NT5DC3: variants seen among roughly 807,000 people sequenced by gnomAD.
NT5DC3 encodes 5'-nucleotidase domain-containing protein 3.
In NT5DC3, 42 loss-of-function variants were observed where a neutral mutation model predicts 67.8. That is an observed-to-expected ratio of 0.62 (90% CI 0.48 to 0.80). The LOEUF (loss-of-function observed/expected upper bound fraction) is 0.80. Ranked by LOEUF, NT5DC3 falls within the 30% of genes least tolerant of loss-of-function variation. NT5DC3 has a pLI of 0.00. For synonymous variants in NT5DC3, 237 were observed against 255.6 expected, an observed-to-expected ratio of 0.93 and a Z score of 0.69; for missense variants, 570 against 696.4, an observed-to-expected ratio of 0.82 and a Z score of 2.04.
In NT5DC3 at chr12:103,785,405, A is replaced by T; in HGVS notation, c.1259T>A (p.Met420Lys). 1 of 1,614,122 alleles carries T rather than the reference A, an allele frequency of 6.2e-7. No homozygotes were observed. Among genetic ancestry groups the T allele is most frequent in the Non-Finnish European group, 8.5e-7 (1 of 1,179,966 alleles). Reference protein sequence around the residue: ...IPELRSELKIMNTEQYIQTMT... With the variant: ...IPELRSELKIKNTEQYIQTMT... ...GGTTTGAATGTATTGCTCCGTGTTCATGATTTTGAGCTCAGATCTCAACTC... is the reference window on the plus strand; with the variant it reads ...GGTTTGAATGTATTGCTCCGTGTTCTTGATTTTGAGCTCAGATCTCAACTC... Residue 420 changes from methionine to lysine, a missense_variant, in exon 12 of 14, where the codon ATG becomes AAG. Met to Lys is a moderately conservative substitution (Grantham distance 95). Transcript: ENST00000392876.
intron 4 of NT5DC3, among the ~76,000 whole-genome samples, chr12:103,804,170 C>T (rs577889763): frequency 6.6e-6 from 1 of 152,244 alleles, no homozygotes; most frequent in Non-Finnish European, 1.5e-5. Flanking sequence ...CCATCATCAC[C>T]ACCACCTCCT....
At chr12:103,766,263 C>T (rs541326731), downstream of NT5DC3, 6 of 1,614,004 alleles carry the variant, frequency 3.7e-6, no homozygotes, top group Middle Eastern at 1.6e-4. Context: ...TGCCCTGCCC[C>T]CTTACAACCC....
At chr12:103,747,995 CAAAAAAAAA>C in the NT5DC3 span, among the ~76,000 whole-genome samples, 22 of 96,740 alleles carry the variant, frequency 2.3e-4, no homozygotes, top group Admixed American at 4.5e-4. Flanking sequence ...ACTCTGTCTC[CAAAAAAAAA>C]AAAAAAAAAA....
chr12:103,757,045 A>G, the NT5DC3 span, among the ~76,000 whole-genome samples: 1 of 145,752 alleles, frequency 6.9e-6, no homozygotes, highest in East Asian at 2.0e-4. Flanking sequence ...TATATATATT[A>G]AAGTATGTAA....
intron 1 of NT5DC3, among the ~76,000 whole-genome samples, chr12:103,825,336 T>C (rs1887646899): frequency 6.6e-6 from 1 of 152,202 alleles, no homozygotes; most frequent in South Asian, 2.1e-4. Flanking sequence ...ATCACACTTC[T>C]TGAAGTTACA....
the NT5DC3 span, chr12:103,755,394 G>A: frequency 6.2e-7 from 1 of 1,614,136 alleles, no homozygotes; most frequent in East Asian, 2.2e-5. Context: ...GCTCTGGTGT[G>A]GTTGGGATAG....
intron 2 of NT5DC3, among the ~76,000 whole-genome samples, chr12:103,810,467 A>C (rs564330694): frequency 5.3e-5 from 8 of 152,330 alleles, no homozygotes; most frequent in African/African-American, 1.9e-4. Flanking sequence ...TCACCACCCA[A>C]GGGGGAAAAA....
intron 1 of NT5DC3, among the ~76,000 whole-genome samples, chr12:103,816,932 T>G (rs1887278583): frequency 6.6e-6 from 1 of 150,548 alleles, no homozygotes; most frequent in South Asian, 2.1e-4. Context: ...ATAAAAGAAG[T>G]CTGAAGATAA....
intron 1 of NT5DC3, among the ~76,000 whole-genome samples, chr12:103,831,776 T>C (rs990706767): frequency 1.0e-5 from 1 of 100,154 alleles, no homozygotes; most frequent in African/African-American, 4.1e-5. Context: ...TCCTCTTTTT[T>C]TTTTTTTTTT....
rs1393384630 is a variant in NT5DC3 at position 103,796,986 on chromosome 12, G to A, written c.661C>T (p.Leu221=). ...CAGGACAGGAGGGTCATCTCGGGCAGGGAGAAGATGTCCATGAACTGCTTC... is the reference window on the plus strand; with the variant it reads ...CAGGACAGGAGGGTCATCTCGGGCAAGGAGAAGATGTCCATGAACTGCTTC... ...TMKQFMDIFS[L]PEMTLLSCVN... Residue 221 remains leucine, a synonymous_variant, in exon 6 of 14, where the codon CTG becomes TTG. Coordinates refer to ENST00000392876, the MANE Select transcript of NT5DC3 (RefSeq NM_001031701.3). The A allele has an allele frequency of 6.2e-7, 1 of 1,614,096 alleles. No homozygotes were observed. Among genetic ancestry groups the A allele is most frequent in the Non-Finnish European group, 8.5e-7 (1 of 1,179,964 alleles).
chr12:103,835,954 G>A (rs1888126838), intron 1 of NT5DC3, among the ~76,000 whole-genome samples: 1 of 152,154 alleles, frequency 6.6e-6, no homozygotes, highest in Non-Finnish European at 1.5e-5. Context: ...TTCTCACATG[G>A]CGGCAGCAAC....
the NT5DC3 span, among the ~76,000 whole-genome samples, chr12:103,764,560 A>T: frequency 3.9e-5 from 6 of 152,336 alleles, no homozygotes; most frequent in East Asian, 1.2e-3. Context: ...GACTGAAAAA[A>T]ATACATAGGA....
chr12:103,796,132 C>G (rs1158114854), intron 6 of NT5DC3, among the ~76,000 whole-genome samples: 1 of 152,204 alleles, frequency 6.6e-6, no homozygotes, highest in African/African-American at 2.4e-5. Context: ...CCACATGGAA[C>G]CTTTGTAGGC....
At chr12:103,764,597 AAGG>A in the NT5DC3 span, among the ~76,000 whole-genome samples, 1 of 152,216 alleles carries the variant, frequency 6.6e-6, no homozygotes, top group African/African-American at 2.4e-5. Context: ...CTTTTTATAA[AAGG>A]AGAGAAATGT....
chr12:103,747,657 T>A, the NT5DC3 span, among the ~76,000 whole-genome samples: 1 of 152,194 alleles, frequency 6.6e-6, no homozygotes, highest in Non-Finnish European at 1.5e-5. Context: ...TGTCGTCTTT[T>A]ATTGGGCAAC....
rs1470448888 is a variant in NT5DC3 at position 103,790,237 on chromosome 12, T to G, written c.1020-1318A>C. 2.0e-5 allele frequency among the ~76,000 whole-genome samples: 3 copies of G among 152,168 alleles called. No individual in the cohort carries two copies. The East Asian group carries it at 5.8e-4, about 29-fold the overall frequency. The stretch of plus-strand genomic sequence containing the variant: ...CTCCCACCTCAGTCTCTCAAATAGC[T>G]GGGACTGCAAGCATGCACTGCCATA... On this transcript the variant is annotated intron_variant, in intron 9 of 13. Coordinates refer to ENST00000392876, the MANE Select transcript of NT5DC3 (RefSeq NM_001031701.3).
At position 103,773,843 on chromosome 12, in the gene NT5DC3, T is replaced by C. The variant is rs1236161033; in HGVS notation, c.*3986A>G. ...AAATTAACTAGGACCACAAGACTAC[T>C]TTTCAATTCTCCTTTGCAATAATTA... On this transcript the variant is annotated 3_prime_UTR_variant, in exon 14 of 14. Transcript: ENST00000392876. The C allele has an allele frequency of 1.3e-5, 2 of 152,658 alleles. No homozygotes were observed. Among genetic ancestry groups the C allele is most frequent in the Non-Finnish European group, 2.9e-5 (2 of 68,040 alleles). The allele number at this position is 152,658 out of a possible 1,614,324, so 9.5% of individuals were successfully genotyped here. A position where few individuals can be genotyped will look rare whatever the true frequency, so the allele number is the denominator to read the frequency against.
Position 103,815,473 on chromosome 12 carries a change from G to A in NT5DC3, c.209-352C>T, listed in dbSNP as rs115469214. 8.2e-3 allele frequency among the ~76,000 whole-genome samples: 1,250 copies of A among 152,298 alleles called. 12 individuals carry two copies. Among genetic ancestry groups the A allele is most frequent in the African/African-American group, 0.029 (1,185 of 41,564 alleles). ...GTCTCGCTCTGTTAACCAGACTGGA[G>A]TGCAGTGGCACAATCACAGCTCACT... On this transcript the variant is annotated intron_variant, in intron 1 of 13. Coordinates refer to ENST00000392876, the MANE Select transcript of NT5DC3 (RefSeq NM_001031701.3).
At chr12:103,762,545 C>T in the NT5DC3 span, 7 of 1,256,908 alleles carry the variant, frequency 5.6e-6, no homozygotes, top group Non-Finnish European at 7.8e-6. Context: ...GCCACCCACC[C>T]CACGCTTACT....
Sources: allele counts gnomAD v4.1 joint callset (sites outside exome capture counted in the v4.1 genomes callset), GRCh38; gene constraint gnomAD v4.1.1; transcripts MANE v1.5; gene names NCBI Gene and HGNC (gene_info 2026-07-23, HGNC 2026-07-21).